The following QSOX2 variants were observed in gnomAD, a reference collection of about 807,000 sequenced individuals.
QSOX2 encodes the protein sulfhydryl oxidase 2.
In QSOX2, 46 loss-of-function variants were observed where a neutral mutation model predicts 61.7. That is an observed-to-expected ratio of 0.75 (90% CI 0.59 to 0.95). The LOEUF (loss-of-function observed/expected upper bound fraction) is 0.95. QSOX2 is among the 40% of genes least tolerant of loss of function. The pLI is 0.00. For synonymous variants in QSOX2, 383 were observed against 388.4 expected (o/e 0.99, Z 0.16); for missense variants, 879 against 918.9 (o/e 0.96, Z 0.56).
intron 11 of QSOX2, 96 bp downstream of exon 11, chr9:136,211,168 G>C: frequency 7.3e-7 from 1 of 1,362,996 alleles, no homozygotes. Context: ...GCAAAGCTCA[G>C]GGACAAGCCC....
chr9:136,208,453 A>C lies in QSOX2; in HGVS notation c.*275T>G. 1 of 408,330 alleles carries C rather than the reference A, an allele frequency of 2.4e-6. No homozygotes were observed. Among genetic ancestry groups the C allele is most frequent in the Admixed American group, 4.2e-5 (1 of 24,088 alleles). 25.3% of individuals were successfully genotyped at this position (408,330 alleles called of 1,614,324 possible). On this transcript the variant is annotated 3_prime_UTR_variant, in exon 12 of 12. Transcript: ENST00000358701. ...TCTTTTCACATCTAGAAGAGTAAAAATACAGAAGTCTTTTTGCTGTAAGAC... is the reference window on the plus strand; with the variant it reads ...TCTTTTCACATCTAGAAGAGTAAAACTACAGAAGTCTTTTTGCTGTAAGAC...
At chr9:136,213,702 C>T (rs924432040) in intron 10 of QSOX2, among the ~76,000 whole-genome samples, 5 of 152,048 alleles carry the variant, frequency 3.3e-5, no homozygotes, top group Non-Finnish European at 7.3e-5. Flanking sequence ...TCTCTCACCA[C>T]GAATTTAGGC....
rs572072240 is a variant in QSOX2, at chr9:136,208,523, A to G, written c.*205T>C. 5 of 584,642 alleles carry G rather than the reference A, an allele frequency of 8.6e-6. No homozygotes were observed. The South Asian group carries it at 1.1e-4, about 12-fold the overall frequency. The allele number at this position is 584,642 out of a possible 1,614,324, so 36.2% of individuals were successfully genotyped here. On this transcript the variant is annotated 3_prime_UTR_variant, in exon 12 of 12. Coordinates refer to ENST00000358701, the MANE Select transcript of QSOX2 (RefSeq NM_181701.4). Reference sequence around the variant, plus strand: ...AGACTTGAGTACGCCAGGAATGCAAATATCCCCACAAAATTACCCCGTGTT... The same window carrying G: ...AGACTTGAGTACGCCAGGAATGCAAGTATCCCCACAAAATTACCCCGTGTT...
At chr9:136,234,939 C>T (rs1000281055) in intron 1 of QSOX2, among the ~76,000 whole-genome samples, 8 of 152,214 alleles carry the variant, frequency 5.3e-5, no homozygotes, top group African/African-American at 1.4e-4. Context: ...CTCCCTTTAC[C>T]GGGCTCGTTC....
At chr9:136,212,768 C>T (rs949325366) in intron 10 of QSOX2, among the ~76,000 whole-genome samples, 9 of 152,270 alleles carry the variant, frequency 5.9e-5, no homozygotes, top group African/African-American at 2.2e-4. Flanking sequence ...AACCATAAAC[C>T]TCTACCTGTG....
chr9:136,208,463 C>T lies in QSOX2; in HGVS notation c.*265G>A, dbSNP rs953789971. On this transcript the variant is annotated 3_prime_UTR_variant, in exon 12 of 12. Coordinates refer to ENST00000358701, the MANE Select transcript of QSOX2 (RefSeq NM_181701.4). The stretch of plus-strand genomic sequence containing the variant: ...TCTAGAAGAGTAAAAATACAGAAGT[C>T]TTTTTGCTGTAAGACCTGCAAAAGG... 1 of 437,336 alleles carries T rather than the reference C, an allele frequency of 2.3e-6. No homozygotes were observed. Among genetic ancestry groups the T allele is most frequent in the African/African-American group, 2.0e-5 (1 of 50,276 alleles). 27.1% of individuals were successfully genotyped at this position (437,336 alleles called of 1,614,324 possible).
intron 3 of QSOX2, among the ~76,000 whole-genome samples, chr9:136,224,448 C>CA (rs1830260504): frequency 6.6e-6 from 1 of 151,948 alleles, no homozygotes; most frequent in African/African-American, 2.4e-5. Context: ...CCCCAGGGCG[C>CA]GGCGAGGAGC....
At chr9:136,215,399 G>T in intron 9 of QSOX2, 95 bp from the exon 10 acceptor site, 2 of 716,444 alleles carry the variant, frequency 2.8e-6, no homozygotes, top group South Asian at 1.8e-5. Flanking sequence ...GGGGGGGGTG[G>T]ATAATGGGGG....
chr9:136,226,974 C>T, intron 1 of QSOX2, 100 bp from the exon 2 acceptor site: 1 of 885,780 alleles, frequency 1.1e-6, no homozygotes, highest in Non-Finnish European at 1.9e-6. Context: ...ACCTGCGAGA[C>T]CAGCCCACCT....
Position 136,217,170 on chromosome 9 carries a change from C to T in QSOX2, c.1087-448G>A, listed in dbSNP as rs146206844. The stretch of plus-strand genomic sequence containing the variant: ...ACTGTATGAAGGGCGCGCGGCAGTG[C>T]ACATGCGCCGGCAGCCGGGGCTAAC... On this transcript the variant is annotated intron_variant, in intron 8 of 11. Transcript: ENST00000358701. Among the ~76,000 whole-genome samples, 70 of 152,394 alleles carry T rather than the reference C, an allele frequency of 4.6e-4. 1 individual carries two copies. The East Asian group carries it at 0.011, about 23-fold the overall frequency.
At position 136,221,247 on chromosome 9, in the gene QSOX2, C is replaced by T. The variant is rs139393595; in HGVS notation, c.821+549G>A. 8.3e-3 allele frequency among the ~76,000 whole-genome samples: 1,254 copies of T among 151,142 alleles called. 17 individuals carry two copies. The highest frequency in any genetic ancestry group is 0.023 in the African/African-American group (960 of 41,030). ...GGCACACAGGCACCCCACGCAGGGG[C>T]GAAGGGCTTATCCTCATGAGGGGCA... On this transcript the variant is annotated intron_variant, in intron 6 of 11. Coordinates refer to ENST00000358701, the MANE Select transcript of QSOX2 (RefSeq NM_181701.4). The surrounding 1 kb of genome is among the most constrained non-coding windows in gnomAD (Gnocchi z 4.5).
At chr9:136,218,881 C>T in intron 7 of QSOX2, 73 bp from the exon 8 acceptor site, 1 of 1,582,838 alleles carries the variant, frequency 6.3e-7, no homozygotes, top group Non-Finnish European at 8.6e-7. Flanking sequence ...GTCCTGGCTC[C>T]TCCCCACGGA....
chr9:136,221,856 A>G lies in QSOX2; in HGVS notation c.761T>C (p.Val254Ala). 1 of 1,613,030 alleles carries G rather than the reference A, an allele frequency of 6.2e-7. No homozygotes were observed. The highest frequency in any genetic ancestry group is 1.1e-5 in the South Asian group (1 of 90,718). Reference protein sequence around the residue: ...GDKAFLEKLGVSSVPSCYLIY... With the variant: ...GDKAFLEKLGASSVPSCYLIY... Reference sequence around the variant, plus strand: ...CAGGTAACACGAAGGGACTGAAGAAACACCAAGTTTCTCCAGAAATGCTTT... The same window carrying G: ...CAGGTAACACGAAGGGACTGAAGAAGCACCAAGTTTCTCCAGAAATGCTTT... The change falls in exon 6 of 12, where the codon GTT (valine) becomes GCT (alanine). Residue 254 changes from valine (V) to alanine (A), a missense_variant. Transcript: ENST00000358701. This position sits in a 1 kb window ranked among gnomAD's most constrained non-coding sequence, Gnocchi z 4.5.
chr9:136,226,827 T>C lies in QSOX2; in HGVS notation c.376A>G (p.Lys126Glu), dbSNP rs12380852. The change falls in exon 2 of 12, where the codon AAG (lysine) becomes GAG (glutamate). Residue 126 changes from lysine (K) to glutamate (E), a missense_variant. Physicochemically the swap from Lys to Glu is moderately conservative, Grantham distance 56 (BLOSUM62 1). Coordinates refer to ENST00000358701, the MANE Select transcript of QSOX2 (RefSeq NM_181701.4). Reference sequence around the variant, plus strand: ...TAGTCATGGCACACGGCCTGGTTCTTCTCTTCCATGCAGTCCAGAGCTGCG... The same window carrying C: ...TAGTCATGGCACACGGCCTGGTTCTCCTCTTCCATGCAGTCCAGAGCTGCG... ...RVAALDCMEE[K>E]NQAVCHDYDI... 0.11 allele frequency: 175,758 copies of C among 1,613,920 alleles called. 10,455 individuals carry two copies. Among genetic ancestry groups the C allele is most frequent in the East Asian group, 0.2 (9,148 of 44,868 alleles).
intron 2 of QSOX2, among the ~76,000 whole-genome samples, chr9:136,226,464 G>A (rs908063523): frequency 1.3e-5 from 2 of 152,178 alleles, no homozygotes; most frequent in African/African-American, 4.8e-5. Flanking sequence ...CGCAGTCCTG[G>A]TCTCCTTGCG....
At chr9:136,212,079 G>A (rs544629964) in intron 10 of QSOX2, among the ~76,000 whole-genome samples, 27 of 152,374 alleles carry the variant, frequency 1.8e-4, no homozygotes. Flanking sequence ...CAGAGTTTGT[G>A]CCACCGAACG....
chr9:136,216,121 C>A (rs527325507), intron 9 of QSOX2, among the ~76,000 whole-genome samples: 1 of 152,346 alleles, frequency 6.6e-6, no homozygotes, highest in South Asian at 2.1e-4. Flanking sequence ...AGTAAACACT[C>A]TGGGGGCCAC....
At chr9:136,228,484 A>T (rs2067310778) in intron 1 of QSOX2, among the ~76,000 whole-genome samples, 1 of 152,190 alleles carries the variant, frequency 6.6e-6, no homozygotes, top group Admixed American at 6.5e-5. Flanking sequence ...ACAATTCACA[A>T]ATATTTCCTG....
chr9:136,225,546 G>A (rs959481265), intron 2 of QSOX2, among the ~76,000 whole-genome samples: 6 of 152,212 alleles, frequency 3.9e-5, no homozygotes, highest in African/African-American at 7.2e-5. Context: ...AAACGAAGCC[G>A]CCAGTGCTTC....
Sources: allele counts gnomAD v4.1 joint callset (sites outside exome capture counted in the v4.1 genomes callset), GRCh38; gene constraint gnomAD v4.1.1; non-coding constraint Gnocchi (gnomAD v3.1); transcripts MANE v1.5; gene names NCBI Gene and HGNC (gene_info 2026-07-23, HGNC 2026-07-21).